The following GREB1L variants were observed in gnomAD, a reference collection of about 807,000 sequenced individuals.
GREB1L encodes the protein GREB1-like protein.
GREB1L carries 17 observed loss-of-function variants against 200.8 expected under a neutral mutation model. That is an observed-to-expected ratio of 0.08 (90% CI 0.06 to 0.13). The LOEUF (loss-of-function observed/expected upper bound fraction) is 0.13. Among genes scored for constraint, GREB1L ranks in the 10% least tolerant of loss-of-function variants. The pLI is 1.00. For missense variants in GREB1L, 1,657 were observed against 2,367.7 expected, an observed-to-expected ratio of 0.70 and a Z score of 6.23; for synonymous variants, 789 against 893.0, an observed-to-expected ratio of 0.88 and a Z score of 2.08.
At chr18:21,465,145 G>C (rs1270083756) in intron 15 of GREB1L, among the ~76,000 whole-genome samples, 1 of 152,084 alleles carries the variant, frequency 6.6e-6, no homozygotes. Flanking sequence ...CAATTTTCAA[G>C]TGTAAAATAT....
intron 7 of GREB1L, among the ~76,000 whole-genome samples, chr18:21,415,115 C>T (rs1471171405): frequency 2.0e-5 from 3 of 152,098 alleles, no homozygotes; most frequent in Admixed American, 6.5e-5. Context: ...AAGAGAGCTG[C>T]ACAAAGAAGA....
chr18:21,427,069 A>G (rs528263870), intron 7 of GREB1L, among the ~76,000 whole-genome samples: 5 of 151,548 alleles, frequency 3.3e-5, no homozygotes, highest in African/African-American at 9.7e-5. Context: ...AATTTCTGTG[A>G]AGAAACCAGC....
At chr18:21,452,874 C>CT (rs2145449020) in intron 14 of GREB1L, among the ~76,000 whole-genome samples, 1 of 152,300 alleles carries the variant, frequency 6.6e-6, no homozygotes, top group Admixed American at 6.5e-5. Context: ...TAAGCTGCTG[C>CT]TGACAGCCAC....
intron 2 of GREB1L, among the ~76,000 whole-genome samples, chr18:21,371,855 T>C (rs1249705512): frequency 6.6e-6 from 1 of 152,034 alleles, no homozygotes; most frequent in Non-Finnish European, 1.5e-5. Context: ...CCAGGCACTA[T>C]TCTAAAAACT....
chr18:21,501,066 CAAAAAAA>C (rs11295281), intron 23 of GREB1L, among the ~76,000 whole-genome samples: 1 of 87,074 alleles, frequency 1.1e-5, no homozygotes, highest in South Asian at 3.7e-4. Context: ...GACTTTGTCT[CAAAAAAA>C]AAAAAAAAAA....
intron 1 of GREB1L, among the ~76,000 whole-genome samples, chr18:21,286,813 A>G (rs1398864671): frequency 6.6e-6 from 1 of 151,812 alleles, no homozygotes; most frequent in Non-Finnish European, 1.5e-5. Context: ...TTTTGATTTT[A>G]TTTTGATTTT....
At chr18:21,358,699 G>T (rs2143496127) in intron 1 of GREB1L, among the ~76,000 whole-genome samples, 1 of 152,336 alleles carries the variant, frequency 6.6e-6, no homozygotes, top group South Asian at 2.1e-4. Flanking sequence ...AAGGTTGGGA[G>T]TGGGGGTGAA....
In GREB1L at chr18:21,340,192, C is replaced by T. The variant is rs371826116; in HGVS notation, c.-119-25835C>T. On this transcript the variant is annotated intron_variant, in intron 1 of 32. Coordinates refer to ENST00000424526, the MANE Select transcript of GREB1L (RefSeq NM_001142966.3). ...CAGCACTTTGGGAGGCTGAGGCGGG[C>T]AGATCATAAGGTCAGGAGATCAAGA... Among the ~76,000 whole-genome samples, 33 of 152,140 alleles carry T rather than the reference C, an allele frequency of 2.2e-4. No homozygotes were observed. In the East Asian group the frequency reaches 6.4e-3, roughly 30 times the overall value.
At chr18:21,362,023 A>G (rs1219676126) in intron 1 of GREB1L, among the ~76,000 whole-genome samples, 1 of 152,186 alleles carries the variant, frequency 6.6e-6, no homozygotes. Flanking sequence ...GATCCAGTCC[A>G]TATTAGAACA....
At chr18:21,417,482 C>G (rs1201379351) in intron 7 of GREB1L, among the ~76,000 whole-genome samples, 1 of 152,028 alleles carries the variant, frequency 6.6e-6, no homozygotes, top group East Asian at 1.9e-4. Context: ...CCACTGCACT[C>G]CAGCCTGGAT....
chr18:21,289,545 C>A (rs181216804), intron 1 of GREB1L, among the ~76,000 whole-genome samples: 5 of 150,686 alleles, frequency 3.3e-5, no homozygotes, highest in African/African-American at 7.4e-5. Context: ...CATCCCCCCC[C>A]GCAAAAAAAA....
chr18:21,296,541 CATAT>C (rs1345255490), intron 1 of GREB1L, among the ~76,000 whole-genome samples: 1 of 152,076 alleles, frequency 6.6e-6, no homozygotes, highest in African/African-American at 2.4e-5. Flanking sequence ...TCAGTTTACC[CATAT>C]ACCCCTTGAA....
At position 21,479,166 on chromosome 18, in the gene GREB1L, G is replaced by A. The variant is rs565004643; in HGVS notation, c.2556+1810G>A. Among the ~76,000 whole-genome samples, 4 of 152,208 alleles carry A rather than the reference G, an allele frequency of 2.6e-5. No homozygotes were observed. In the South Asian group the frequency reaches 6.2e-4, roughly 24 times the overall value. ...CAAAGTCCTGGAATTACAGGTGTGA[G>A]CCACCATGCCCAGCCAAGACTAATT... On this transcript the variant is annotated intron_variant, in intron 17 of 32. Coordinates refer to ENST00000424526, the MANE Select transcript of GREB1L (RefSeq NM_001142966.3).
chr18:21,514,061 C>A, intron 28 of GREB1L, 75 bp downstream of exon 28: 2 of 1,355,480 alleles, frequency 1.5e-6, no homozygotes, highest in Non-Finnish European at 2.0e-6. Context: ...CAGTTACATA[C>A]GGAAGTAAGA....
At position 21,458,889 on chromosome 18, in the gene GREB1L, C is replaced by T. The variant is rs183209617; in HGVS notation, c.2182+4326C>T. Among the ~76,000 whole-genome samples the T allele has an allele frequency of 7.4e-4, 112 of 152,054 alleles. 1 individual carries two copies. The highest frequency in any genetic ancestry group is 5.2e-3 in the South Asian group (25 of 4,800). On this transcript the variant is annotated intron_variant, in intron 15 of 32. Transcript: ENST00000424526. ...AGCATAATTCTAATTCGGAGGACCC[C>T]GCATTCTGTGAATGAGAATACTAGC...
At chr18:21,492,318 C>G (rs1250435634) in intron 19 of GREB1L, among the ~76,000 whole-genome samples, 1 of 151,728 alleles carries the variant, frequency 6.6e-6, no homozygotes, top group Non-Finnish European at 1.5e-5. Context: ...TACACTCCAG[C>G]CTGGGCGACA....
At chr18:21,257,245 G>A (rs575837380) in intron 1 of GREB1L, among the ~76,000 whole-genome samples, 1 of 152,186 alleles carries the variant, frequency 6.6e-6, no homozygotes, top group East Asian at 1.9e-4. Flanking sequence ...TGGGATTACA[G>A]GCATGAGCCA....
At chr18:21,265,408 G>T (rs1046694480) in intron 1 of GREB1L, among the ~76,000 whole-genome samples, 3 of 152,134 alleles carry the variant, frequency 2.0e-5, no homozygotes, top group African/African-American at 7.2e-5. Context: ...AAAAACTGAT[G>T]AGCTTGAATT....
At chr18:21,392,698 G>A (rs1204965454) in intron 4 of GREB1L, among the ~76,000 whole-genome samples, 2 of 151,776 alleles carry the variant, frequency 1.3e-5, no homozygotes, top group Admixed American at 1.3e-4. Context: ...GAGGTTTGGT[G>A]ACCCAAACTA....
Sources: gnomAD v4.1 joint callset for allele counts (sites outside exome capture counted in the v4.1 genomes callset) on GRCh38, gnomAD v4.1.1 for gene constraint, MANE v1.5 for transcripts, NCBI Gene and HGNC (gene_info 2026-07-23, HGNC 2026-07-21) for gene names.